Variants in MMRN1 observed in about 807,000 individuals in gnomAD.
MMRN1 encodes the protein multimerin-1.
In MMRN1, 94 loss-of-function variants were observed where a neutral mutation model predicts 100.7. That is an observed-to-expected ratio of 0.93 (90% CI 0.79 to 1.11). The LOEUF is 1.11. MMRN1 is among the 50% of genes least tolerant of loss of function. MMRN1 has a pLI of 0.00. For synonymous variants in MMRN1, 575 were observed against 505.0 expected (o/e 1.14, Z -1.86); for missense variants, 1,606 against 1,439.1 (o/e 1.12, Z -1.88).
intron 7 of MMRN1, 73 bp from the exon 8 acceptor site, chr4:89,952,924 T>A: frequency 6.5e-6 from 9 of 1,392,100 alleles, no homozygotes; most frequent in Non-Finnish European, 8.7e-6. Flanking sequence ...GAGATAAAAA[T>A]GACGAAGATA....
intron 6 of MMRN1, among the ~76,000 whole-genome samples, chr4:89,948,543 T>A (rs1272657934): frequency 1.3e-5 from 2 of 152,170 alleles, no homozygotes; most frequent in Non-Finnish European, 1.5e-5. Context: ...TATGAGACAG[T>A]GTGATACAGA....
chr4:89,889,856 C>A (rs77823616), upstream of MMRN1, among the ~76,000 whole-genome samples: 13,486 of 152,078 alleles, frequency 0.089, 886 homozygotes, highest in African/African-American at 0.19. Flanking sequence ...ATTTTTAAAA[C>A]AATCTCTAGT....
At chr4:89,904,519 A>G (rs1324599426) in intron 1 of MMRN1, among the ~76,000 whole-genome samples, 1 of 151,828 alleles carries the variant, frequency 6.6e-6, no homozygotes, top group Non-Finnish European at 1.5e-5. Context: ...AGTACATCAT[A>G]TAAGTGAAAC....
intron 6 of MMRN1, among the ~76,000 whole-genome samples, chr4:89,944,718 A>T (rs193098127): frequency 6.6e-6 from 1 of 152,250 alleles, no homozygotes; most frequent in East Asian, 1.9e-4. Context: ...GAGCAGGGAG[A>T]TTACTTTTGA....
chr4:89,909,564 A>G (rs1721681400), intron 2 of MMRN1, among the ~76,000 whole-genome samples, 169 bp downstream of exon 2: 1 of 151,556 alleles, frequency 6.6e-6, no homozygotes. Flanking sequence ...TATTTGCCTC[A>G]TATGGTCATT....
chr4:89,890,456 C>T (rs1721030804), upstream of MMRN1, among the ~76,000 whole-genome samples: 2 of 151,992 alleles, frequency 1.3e-5, no homozygotes, highest in South Asian at 2.1e-4. Flanking sequence ...CTTCATTGTT[C>T]CTTGGGTCAC....
intron 1 of MMRN1, among the ~76,000 whole-genome samples, chr4:89,881,156 CATACAGTA>C (rs1720807205): frequency 6.6e-6 from 1 of 152,066 alleles, no homozygotes; most frequent in African/African-American, 2.4e-5. Context: ...ACACAGTTTG[CATACAGTA>C]AGCTAAGCAA....
upstream of MMRN1, among the ~76,000 whole-genome samples, chr4:89,890,233 C>CT (rs111715316): frequency 0.09 from 12,024 of 133,148 alleles, 668 homozygotes; most frequent in East Asian, 0.22. Flanking sequence ...TTTTATTTTG[C>CT]TTTTTTTTTT....
intron 5 of MMRN1, among the ~76,000 whole-genome samples, chr4:89,933,379 C>T (rs749408309): frequency 2.0e-5 from 3 of 152,154 alleles, no homozygotes; most frequent in Non-Finnish European, 4.4e-5. Flanking sequence ...TGCCCGTTAC[C>T]CAGTTCCAAA....
At chr4:89,887,678 C>T (rs181071262) in intron 1 of MMRN1, among the ~76,000 whole-genome samples, 20 of 152,058 alleles carry the variant, frequency 1.3e-4, no homozygotes, top group East Asian at 1.2e-3. Flanking sequence ...TTTGTTCTAA[C>T]AATTAAAATA....
chr4:89,917,174 A>G (rs1356512834), intron 3 of MMRN1, among the ~76,000 whole-genome samples: 1 of 151,774 alleles, frequency 6.6e-6, no homozygotes, highest in Non-Finnish European at 1.5e-5. Context: ...GAAGGATGTT[A>G]AGTAAAACAT....
upstream of MMRN1, among the ~76,000 whole-genome samples, chr4:89,894,557 T>A (rs1271658132): frequency 6.6e-6 from 1 of 152,180 alleles, no homozygotes; most frequent in Non-Finnish European, 1.5e-5. Context: ...TAAAACTGTA[T>A]TCAGCCTATA....
At chr4:89,945,768 T>C (rs1722967932) in intron 6 of MMRN1, among the ~76,000 whole-genome samples, 2 of 152,140 alleles carry the variant, frequency 1.3e-5, no homozygotes, top group African/African-American at 4.8e-5. Flanking sequence ...GTCTAAGATA[T>C]TTGCTGAAGA....
chr4:89,933,801 G>A (rs925638036), intron 5 of MMRN1, among the ~76,000 whole-genome samples: 3 of 152,142 alleles, frequency 2.0e-5, no homozygotes, highest in East Asian at 1.9e-4. Context: ...TGAGGTTTGG[G>A]TGGGGACACA....
intron 6 of MMRN1, among the ~76,000 whole-genome samples, chr4:89,949,864 G>C (rs556358162): frequency 2.0e-5 from 3 of 152,052 alleles, no homozygotes; most frequent in African/African-American, 7.2e-5. Context: ...AAAATTTATA[G>C]GTCTCACTTC....
intron 1 of MMRN1, among the ~76,000 whole-genome samples, chr4:89,884,847 A>T (rs1720902595): frequency 1.3e-5 from 2 of 152,310 alleles, no homozygotes; most frequent in South Asian, 4.1e-4. Flanking sequence ...TTTCCTTTCC[A>T]GTCATCCTGC....
intron 6 of MMRN1, among the ~76,000 whole-genome samples, chr4:89,946,954 C>T (rs901129322): frequency 6.6e-6 from 1 of 151,976 alleles, no homozygotes; most frequent in African/African-American, 2.4e-5. Context: ...GTTATTGAAG[C>T]TCAAGGTAAG....
At chr4:89,880,038 A>G (rs1254163933) in intron 1 of MMRN1, among the ~76,000 whole-genome samples, 1 of 152,170 alleles carries the variant, frequency 6.6e-6, no homozygotes, top group African/African-American at 2.4e-5. Flanking sequence ...GGGGAGGACA[A>G]TTGGTGCACT....
chr4:89,879,719 C>G (rs1720780158), intron 1 of MMRN1: 1 of 152,034 alleles, frequency 6.6e-6, no homozygotes, highest in Non-Finnish European at 1.5e-5. Context: ...TAGTTTAGCT[C>G]TTTGTGTAAC....
Sources: allele counts gnomAD v4.1 joint callset (sites outside exome capture counted in the v4.1 genomes callset), GRCh38; gene constraint gnomAD v4.1.1; transcripts MANE v1.5; gene names NCBI Gene and HGNC (gene_info 2026-07-23, HGNC 2026-07-21).